Variants in IMMP2L observed in about 807,000 individuals in gnomAD.
IMMP2L encodes mitochondrial inner membrane protease subunit 2.
IMMP2L carries 18 observed loss-of-function variants against 19.3 expected under a neutral mutation model. That is an observed-to-expected ratio of 0.93 (90% confidence interval 0.64 to 1.38). The LOEUF is 1.38. Ranked by LOEUF, IMMP2L falls within the 40% of genes most tolerant of loss-of-function variation. The pLI is 0.00. For missense variants in IMMP2L, 233 were observed against 218.2 expected, an observed-to-expected ratio of 1.07 and a Z score of -0.43; for synonymous variants, 76 against 73.0, an observed-to-expected ratio of 1.04 and a Z score of -0.21.
At chr7:111,317,304 G>C (rs981901365) in intron 3 of IMMP2L, among the ~76,000 whole-genome samples, 7 of 152,008 alleles carry the variant, frequency 4.6e-5, no homozygotes, top group African/African-American at 1.7e-4. Flanking sequence ...AAGCCATTCT[G>C]AACTAGAAAT....
intron 3 of IMMP2L, among the ~76,000 whole-genome samples, chr7:111,414,797 CTG>C (rs1834806931): frequency 6.6e-6 from 1 of 151,708 alleles, no homozygotes; most frequent in Non-Finnish European, 1.5e-5. Flanking sequence ...AAATATAAAA[CTG>C]CACTAAAAAA....
At chr7:111,373,515 C>G (rs965888079) in intron 3 of IMMP2L, among the ~76,000 whole-genome samples, 4 of 152,050 alleles carry the variant, frequency 2.6e-5, no homozygotes, top group Non-Finnish European at 4.4e-5. Context: ...TTGGTCCTTT[C>G]ATGATCCAGG....
At chr7:111,377,319 A>G (rs959384570) in intron 3 of IMMP2L, among the ~76,000 whole-genome samples, 2 of 151,964 alleles carry the variant, frequency 1.3e-5, no homozygotes, top group African/African-American at 4.8e-5. Context: ...CCTCTATAGT[A>G]CAGCTCTATA....
In IMMP2L at chr7:111,562,492, C is replaced by G. The variant is rs141920085; in HGVS notation, c.-644G>C. Reference sequence around the variant, plus strand: ...CTGCGCAGCTCAGCCCGGGGGAAGTCCCCGCGCAGACCCCGCCCTCCGCCG... The same window carrying G: ...CTGCGCAGCTCAGCCCGGGGGAAGTGCCCGCGCAGACCCCGCCCTCCGCCG... On this transcript the variant is annotated 5_prime_UTR_variant, in exon 1 of 6. Coordinates refer to ENST00000405709, the MANE Select transcript of IMMP2L (RefSeq NM_032549.4). 3.8e-4 allele frequency: 58 copies of G among 151,804 alleles called. No homozygotes were observed. Among genetic ancestry groups the G allele is most frequent in the African/African-American group, 1.4e-3 (57 of 41,474 alleles). The allele number at this position is 151,804 out of a possible 1,614,324, so 9.4% of individuals were successfully genotyped here.
intron 3 of IMMP2L, among the ~76,000 whole-genome samples, chr7:111,484,898 T>C (rs975115997): frequency 1.3e-5 from 2 of 152,046 alleles, no homozygotes; most frequent in Non-Finnish European, 2.9e-5. Flanking sequence ...TCGATCTTCC[T>C]ACCTCAGCCT....
At chr7:111,202,133 T>G (rs1810208420) in intron 3 of IMMP2L, among the ~76,000 whole-genome samples, 1 of 152,330 alleles carries the variant, frequency 6.6e-6, no homozygotes. Context: ...TGACCCATCA[T>G]TCAAAGCGTA....
At chr7:110,911,892 A>G (rs1056372106) in intron 4 of IMMP2L, among the ~76,000 whole-genome samples, 2 of 152,120 alleles carry the variant, frequency 1.3e-5, no homozygotes, top group African/African-American at 4.8e-5. Context: ...ATGTATCAAA[A>G]TAATTTCCTC....
intron 3 of IMMP2L, among the ~76,000 whole-genome samples, chr7:111,318,347 CACAA>C (rs1409386670): frequency 6.6e-6 from 1 of 152,052 alleles, no homozygotes; most frequent in Non-Finnish European, 1.5e-5. Context: ...GGGTTGAGCA[CACAA>C]ACAATTCAAG....
chr7:111,223,588 G>C (rs1157533680), intron 3 of IMMP2L, among the ~76,000 whole-genome samples: 2 of 152,038 alleles, frequency 1.3e-5, no homozygotes, highest in Non-Finnish European at 2.9e-5. Flanking sequence ...TCAGCCTTTT[G>C]TATTACTAAT....
chr7:111,133,254 G>C (rs1342998222), intron 3 of IMMP2L, among the ~76,000 whole-genome samples: 1 of 151,928 alleles, frequency 6.6e-6, no homozygotes, highest in Non-Finnish European at 1.5e-5. Flanking sequence ...AAATGAATCT[G>C]GCAATTGCAA....
intron 3 of IMMP2L, among the ~76,000 whole-genome samples, chr7:111,182,449 C>T (rs1203783316): frequency 2.0e-5 from 3 of 151,860 alleles, no homozygotes; most frequent in African/African-American, 7.3e-5. Context: ...TGATGCATTC[C>T]ACTCAAAAGA....
intron 3 of IMMP2L, among the ~76,000 whole-genome samples, chr7:111,283,705 C>T (rs1309503152): frequency 6.6e-6 from 1 of 152,070 alleles, no homozygotes; most frequent in Non-Finnish European, 1.5e-5. Context: ...GGCGCGGTGG[C>T]TCACGCCTGT....
At chr7:111,225,591 GTATAATATCAA>G (rs1024549337) in intron 3 of IMMP2L, among the ~76,000 whole-genome samples, 6 of 149,300 alleles carry the variant, frequency 4.0e-5, no homozygotes, top group East Asian at 2.0e-4. Flanking sequence ...TTGAGTTTTG[GTATAATATCAA>G]TATAATATCA....
At chr7:111,193,221 T>C (rs1562909019) in intron 3 of IMMP2L, among the ~76,000 whole-genome samples, 1 of 152,212 alleles carries the variant, frequency 6.6e-6, no homozygotes, top group East Asian at 1.9e-4. Flanking sequence ...GAAATTAAAA[T>C]ACAAAAGAAA....
intron 3 of IMMP2L, among the ~76,000 whole-genome samples, chr7:111,188,877 T>C (rs1477637051): frequency 6.6e-6 from 1 of 152,116 alleles, no homozygotes; most frequent in Non-Finnish European, 1.5e-5. Flanking sequence ...AATAGGAAGA[T>C]TTCCTACCTA....
intron 5 of IMMP2L, among the ~76,000 whole-genome samples, chr7:110,873,429 C>CAAAAAAAAAAAAAAAAA (rs60827428): frequency 3.5e-5 from 1 of 28,950 alleles, no homozygotes; most frequent in Non-Finnish European, 7.2e-5. Context: ...GACTCTATCT[C>CAAAAAAAAAAAAAAAAA]AAAAAAAAAA....
chr7:110,998,805 A>G (rs1015057637), intron 3 of IMMP2L, among the ~76,000 whole-genome samples: 1 of 152,166 alleles, frequency 6.6e-6, no homozygotes, highest in African/African-American at 2.4e-5. Flanking sequence ...ACTGTACACA[A>G]CTGGTGAAAG....
intron 3 of IMMP2L, among the ~76,000 whole-genome samples, chr7:111,180,664 T>C (rs921863295): frequency 2.0e-5 from 3 of 152,072 alleles, no homozygotes; most frequent in African/African-American, 7.2e-5. Context: ...ACCTAATGCA[T>C]AATACAGTGA....
intron 3 of IMMP2L, among the ~76,000 whole-genome samples, chr7:111,480,370 G>A (rs1842075434): frequency 6.6e-6 from 1 of 151,994 alleles, no homozygotes; most frequent in African/African-American, 2.4e-5. Flanking sequence ...GTGAGCCACT[G>A]TTCCCGGCCA....
Sources: allele counts gnomAD v4.1 joint callset (sites outside exome capture counted in the v4.1 genomes callset), GRCh38; gene constraint gnomAD v4.1.1; transcripts MANE v1.5; gene names NCBI Gene and HGNC (gene_info 2026-07-23, HGNC 2026-07-21).